The following NUP153 variants were observed in gnomAD, a reference collection of about 807,000 sequenced individuals.
NUP153 encodes the protein nuclear pore complex protein Nup153.
In NUP153, 27 loss-of-function variants were observed where a neutral mutation model predicts 134.6. The observed-to-expected ratio is 0.20, with a 90% CI of 0.15 to 0.28. The LOEUF is 0.28. Ranked by LOEUF, NUP153 falls within the 10% of genes least tolerant of loss-of-function variation. The pLI is 1.00. For missense variants in NUP153, 1,821 were observed against 1,731.3 expected (o/e 1.05, Z -0.92); for synonymous variants, 640 against 623.5 (o/e 1.03, Z -0.40).
At chr6:17,663,422 TC>T (rs1471553143) in intron 9 of NUP153, among the ~76,000 whole-genome samples, 2 of 151,972 alleles carry the variant, frequency 1.3e-5, no homozygotes, top group Non-Finnish European at 2.9e-5. Context: ...CACCACCACA[TC>T]TGGCTAATTT....
At chr6:17,663,232 T>TACAC (rs35061480) in intron 9 of NUP153, among the ~76,000 whole-genome samples, 116 of 144,088 alleles carry the variant, frequency 8.1e-4, no homozygotes, top group South Asian at 2.7e-3. Context: ...AAGAAAAAAA[T>TACAC]ACACACACAC....
intron 20 of NUP153, among the ~76,000 whole-genome samples, chr6:17,618,472 G>C (rs1561847891): frequency 6.6e-6 from 1 of 152,038 alleles, no homozygotes; most frequent in Non-Finnish European, 1.5e-5. Flanking sequence ...AGTTGGGTGG[G>C]GGGGAACCCA....
intron 14 of NUP153, 92 bp downstream of exon 14, chr6:17,645,975 T>C: frequency 8.1e-6 from 4 of 496,678 alleles, no homozygotes; most frequent in Non-Finnish European, 1.5e-5. Context: ...AATGAAGGCA[T>C]TTATAAGAAT....
intron 5 of NUP153, among the ~76,000 whole-genome samples, chr6:17,670,626 T>C (rs534502362): frequency 6.6e-6 from 1 of 152,330 alleles, no homozygotes; most frequent in Non-Finnish European, 1.5e-5. Flanking sequence ...TACCATTAAG[T>C]ATGTTGCCAG....
At position 17,637,460 on chromosome 6, in the gene NUP153, A is replaced by G. The variant is rs781204338; in HGVS notation, c.2157T>C (p.Phe719=). ...SASGTGFGDK[F]KPVIGTWDCD... is the part of the protein sequence containing the mutation. Reference sequence around the variant, plus strand: ...AATCCCAAGTGCCTATCACTGGTTTAAATTTGTCTCCAAAGCCTGTCCCTG... The same window carrying G: ...AATCCCAAGTGCCTATCACTGGTTTGAATTTGTCTCCAAAGCCTGTCCCTG... The change falls in exon 16 of 22, where the codon TTT becomes TTC. Residue 719 remains phenylalanine (F), a synonymous_variant. Coordinates refer to ENST00000262077, the MANE Select transcript of NUP153 (RefSeq NM_005124.4). The G allele has an allele frequency of 6.2e-7, 1 of 1,614,248 alleles. No individual in the cohort carries two copies. Among genetic ancestry groups the G allele is most frequent in the Non-Finnish European group, 8.5e-7 (1 of 1,180,036 alleles).
At chr6:17,622,518 T>TA (rs1399583298) in intron 20 of NUP153, among the ~76,000 whole-genome samples, 3 of 152,214 alleles carry the variant, frequency 2.0e-5, no homozygotes, top group Non-Finnish European at 4.4e-5. Flanking sequence ...TCTACCTTGT[T>TA]ATAGAACTGA....
chr6:17,683,715 T>A (rs928273283), intron 2 of NUP153, among the ~76,000 whole-genome samples: 1 of 151,096 alleles, frequency 6.6e-6, no homozygotes, highest in Non-Finnish European at 1.5e-5. Flanking sequence ...ACCAGTTGCA[T>A]TAACCCCTAA....
chr6:17,674,331 A>G (rs1296758809), intron 5 of NUP153, among the ~76,000 whole-genome samples: 1 of 152,210 alleles, frequency 6.6e-6, no homozygotes, highest in Non-Finnish European at 1.5e-5. Context: ...TTTATACGTC[A>G]TTTAAAAAAA....
intron 13 of NUP153, 140 bp downstream of exon 13, chr6:17,647,665 CAA>C (rs1766272619): frequency 1.7e-6 from 1 of 604,688 alleles, no homozygotes; most frequent in South Asian, 2.1e-5. Flanking sequence ...CATGATTGTT[CAA>C]AAGTTTTTTA....
In NUP153 at chr6:17,649,154, G is replaced by GT. The variant is rs767644376; in HGVS notation, c.1533+8dup. On this transcript the variant is annotated intron_variant, in intron 12 of 21. Transcript: ENST00000262077. ...AAATGTCACCTGTATTTATATAATG[G>GT]TTTTGTACCTTGTTTGTTAATGCTT... The GT allele has an allele frequency of 1.2e-6, 2 of 1,608,526 alleles. No individual in the cohort carries two copies. Among genetic ancestry groups the GT allele is most frequent in the East Asian group, 4.5e-5 (2 of 44,676 alleles).
At chr6:17,693,074 G>A (rs1465024066) in intron 1 of NUP153, among the ~76,000 whole-genome samples, 9 of 151,990 alleles carry the variant, frequency 5.9e-5, no homozygotes, top group Admixed American at 5.9e-4. Context: ...TTTTCCTAGT[G>A]TTTCCCAAAC....
intron 9 of NUP153, 27 bp from the exon 10 acceptor site, chr6:17,662,097 C>A (rs533537454): frequency 6.2e-7 from 1 of 1,601,814 alleles, no homozygotes; most frequent in South Asian, 1.1e-5. Context: ...CACATATTTA[C>A]GTTTGCTTAT....
intron 9 of NUP153, among the ~76,000 whole-genome samples, chr6:17,664,330 T>C (rs1205324539): frequency 2.0e-5 from 3 of 152,138 alleles, no homozygotes; most frequent in Non-Finnish European, 4.4e-5. Context: ...TTTCCAAACA[T>C]GCTAAAACCA....
intron 1 of NUP153, among the ~76,000 whole-genome samples, chr6:17,694,571 C>A (rs1429006996): frequency 6.6e-6 from 1 of 151,898 alleles, no homozygotes; most frequent in Non-Finnish European, 1.5e-5. Flanking sequence ...GGGGAAGAAT[C>A]GCTTGAACCT....
chr6:17,671,264 G>A (rs1311716649), intron 5 of NUP153, among the ~76,000 whole-genome samples: 3 of 152,030 alleles, frequency 2.0e-5, no homozygotes, highest in African/African-American at 7.2e-5. Flanking sequence ...GTCTGTTGCT[G>A]TCTTCTAATG....
chr6:17,706,234 G>A lies in NUP153; in HGVS notation c.111+43C>T. 1 of 1,524,248 alleles carries A rather than the reference G, an allele frequency of 6.6e-7. No individual in the cohort carries two copies. Among genetic ancestry groups the A allele is most frequent in the Non-Finnish European group, 9.1e-7 (1 of 1,100,082 alleles). The allele number at this position is 1,524,248 out of a possible 1,614,324, so 94.4% of individuals were successfully genotyped here. A position where few individuals can be genotyped will look rare whatever the true frequency, so the allele number is the denominator to read the frequency against. On this transcript the variant is annotated intron_variant, in intron 1 of 21. Coordinates refer to ENST00000262077, the MANE Select transcript of NUP153 (RefSeq NM_005124.4). This position sits in a 1 kb window ranked among gnomAD's most constrained non-coding sequence, Gnocchi z 5.9. ...CGAACCGCCCGTCCCCTCCAGCCGAGTTTCCCCACCCGCCAGGCCACCGCG... is the reference window on the plus strand; with the variant it reads ...CGAACCGCCCGTCCCCTCCAGCCGAATTTCCCCACCCGCCAGGCCACCGCG...
At chr6:17,692,653 T>C (rs1769355723) in intron 1 of NUP153, among the ~76,000 whole-genome samples, 1 of 152,204 alleles carries the variant, frequency 6.6e-6, no homozygotes, top group Admixed American at 6.5e-5. Context: ...TGACCCTAAG[T>C]CATTAAGAAA....
At position 17,674,901 on chromosome 6, in the gene NUP153, C is replaced by T; in HGVS notation, c.852+4G>A. 6.3e-7 allele frequency: 1 copy of T among 1,581,384 alleles called. No individual in the cohort carries two copies. On this transcript the variant is annotated splice_donor_region_variant and intron_variant, in intron 5 of 21. Coordinates refer to ENST00000262077, the MANE Select transcript of NUP153 (RefSeq NM_005124.4). ...AGATCATCAACCCTTCTATTGGAAC[C>T]TACCTGATAAGGTGTATTTCGTAGT...
At chr6:17,633,619 C>CA (rs1765371271) in intron 16 of NUP153, among the ~76,000 whole-genome samples, 1 of 152,110 alleles carries the variant, frequency 6.6e-6, no homozygotes, top group Admixed American at 6.5e-5. Context: ...GACTAAGAGG[C>CA]AGGAAAAGGA....
Sources: allele counts gnomAD v4.1 joint callset (sites outside exome capture counted in the v4.1 genomes callset), GRCh38; gene constraint gnomAD v4.1.1; non-coding constraint Gnocchi (gnomAD v3.1); transcripts MANE v1.5; gene names NCBI Gene and HGNC (gene_info 2026-07-23, HGNC 2026-07-21).